ENO4: variants seen among roughly 807,000 people sequenced by gnomAD.
The protein encoded by ENO4 is enolase 4.
Under a neutral mutation model 63.2 loss-of-function variants are expected in ENO4, and 53 were observed. The observed-to-expected ratio is 0.84, with a 90% confidence interval of 0.67 to 1.05. The LOEUF (loss-of-function observed/expected upper bound fraction) is 1.05, where lower values mean the gene tolerates loss of function less well. Among genes scored for constraint, ENO4 ranks in the 50% least tolerant of loss-of-function variants. The pLI is 0.00. For missense variants in ENO4, 719 were observed against 772.0 expected (o/e 0.93, Z 0.81); for synonymous variants, 266 against 283.8 (o/e 0.94, Z 0.63).
intron 7 of ENO4, among the ~76,000 whole-genome samples, chr10:116,865,452 TG>T (rs1846525308): frequency 6.6e-6 from 1 of 152,202 alleles, no homozygotes; most frequent in Non-Finnish European, 1.5e-5. Context: ...CCCAAAGTGC[TG>T]GGATTACAAG....
intron 13 of ENO4, among the ~76,000 whole-genome samples, chr10:116,880,676 G>A (rs554056981): frequency 6.6e-5 from 10 of 152,328 alleles, no homozygotes; most frequent in Non-Finnish European, 1.5e-4. Context: ...AGAAAATAAA[G>A]ATATAATTGG....
At chr10:116,874,278 A>G (rs757114463) in intron 10 of ENO4, 77 bp downstream of exon 10, 39 of 1,112,904 alleles carry the variant, frequency 3.5e-5, no homozygotes, top group Non-Finnish European at 4.5e-5. Flanking sequence ...TTTATATTTT[A>G]TAACTCACCT....
At chr10:116,873,948 G>A (rs776249236) in intron 9 of ENO4, 128 bp from the exon 10 acceptor site, 118 of 1,312,772 alleles carry the variant, frequency 9.0e-5, no homozygotes, top group African/African-American at 5.0e-4. Flanking sequence ...TCAGGTCAAC[G>A]TGCCCTGAAA....
intron 10 of ENO4, among the ~76,000 whole-genome samples, chr10:116,897,128 C>G (rs191293866): frequency 2.5e-4 from 38 of 152,134 alleles, no homozygotes; most frequent in African/African-American, 8.7e-4. Flanking sequence ...TGATCAGGTA[C>G]TTCTAATGTA....
chr10:116,850,776 C>T (rs1404262896), intron 1 of ENO4, among the ~76,000 whole-genome samples: 2 of 152,082 alleles, frequency 1.3e-5, no homozygotes, highest in African/African-American at 2.4e-5. Context: ...TCCTCAGTAC[C>T]ACTGCGACGA....
intron 1 of ENO4, among the ~76,000 whole-genome samples, chr10:116,854,501 G>A (rs1425539943): frequency 6.6e-6 from 1 of 150,880 alleles, no homozygotes; most frequent in Non-Finnish European, 1.5e-5. Context: ...CAGAGGTTGC[G>A]GTGAGCAGAG....
At chr10:116,879,191 G>C (rs1271225186) in intron 11 of ENO4, 100 bp from the exon 12 acceptor site, 2 of 755,966 alleles carry the variant, frequency 2.6e-6, no homozygotes, top group Non-Finnish European at 4.2e-6. Flanking sequence ...CTCTTCACAG[G>C]GAAGTTTTAA....
At chr10:116,870,221 T>C (rs1344001809) in intron 8 of ENO4, among the ~76,000 whole-genome samples, 1 of 152,224 alleles carries the variant, frequency 6.6e-6, no homozygotes, top group Admixed American at 6.5e-5. Flanking sequence ...TCATTGATAT[T>C]GCTTCAATTT....
intron 10 of ENO4, among the ~76,000 whole-genome samples, chr10:116,892,699 T>C (rs1407433921): frequency 1.3e-5 from 2 of 152,244 alleles, no homozygotes; most frequent in East Asian, 1.9e-4. Context: ...TTACTTTTCA[T>C]AGAGCTATAT....
intron 10 of ENO4, among the ~76,000 whole-genome samples, chr10:116,889,032 C>T (rs1847251897): frequency 6.6e-6 from 1 of 152,232 alleles, no homozygotes; most frequent in African/African-American, 2.4e-5. Context: ...CTGCTTTCAG[C>T]ATGCAAAGGA....
In ENO4 at chr10:116,861,035, T is replaced by A. The variant is rs558716110; in HGVS notation, c.805-24T>A. 5 of 1,544,210 alleles carry A rather than the reference T, an allele frequency of 3.2e-6. No individual in the cohort carries two copies. In the African/African-American group the frequency reaches 5.5e-5, roughly 17 times the overall value. On this transcript the variant is annotated intron_variant, in intron 5 of 13. Transcript: ENST00000341276. ...TATGGATGAACCCTGTTTCTCATTT[T>A]CCCTCGTTTTCCCCCTATTTCAGGA...
chr10:116,874,249 AGATAGGCAG>A (rs1234531767), intron 10 of ENO4, 48 bp downstream of exon 10: 27 of 1,432,580 alleles, frequency 1.9e-5, no homozygotes, highest in Non-Finnish European at 2.5e-5. Context: ...ATATGCCATA[AGATAGGCAG>A]GACTCACCTT....
chr10:116,850,217 C>T (rs1452220947), intron 1 of ENO4: 1 of 221,078 alleles, frequency 4.5e-6, no homozygotes, highest in East Asian at 1.5e-4. Flanking sequence ...GCTCCTCTGC[C>T]GGGATGCCAG....
intron 3 of ENO4, among the ~76,000 whole-genome samples, chr10:116,858,380 T>C (rs1039995886): frequency 2.0e-5 from 3 of 152,250 alleles, no homozygotes; most frequent in African/African-American, 7.2e-5. Context: ...TCTCATACTT[T>C]AAAGGCATTG....
rs1353669307 is a variant in ENO4 at position 116,882,600 on chromosome 10, A to T, written c.*931A>T. On this transcript the variant is annotated 3_prime_UTR_variant, in exon 14 of 14. Coordinates refer to ENST00000341276, the MANE Select transcript of ENO4 (RefSeq NM_001242699.2). ...TTTGCTTCTCCTAAAAATTATATAA[A>T]TTGCTATGTACTGACCTGTAGGGGA... The T allele has an allele frequency of 6.6e-6, 1 of 152,186 alleles. No individual in the cohort carries two copies. The highest frequency in any genetic ancestry group is 1.5e-5 in the Non-Finnish European group (1 of 68,034). The allele number at this position is 152,186 out of a possible 1,614,324, so 9.4% of individuals were successfully genotyped here. A position where few individuals can be genotyped will look rare whatever the true frequency, so the allele number is the denominator to read the frequency against.
At chr10:116,862,559 C>T (rs1478829464) in intron 6 of ENO4, among the ~76,000 whole-genome samples, 1 of 152,120 alleles carries the variant, frequency 6.6e-6, no homozygotes, top group Non-Finnish European at 1.5e-5. Flanking sequence ...AGCAACTGAA[C>T]CAGTCAGTTC....
chr10:116,866,969 T>G (rs1846565417), intron 7 of ENO4, among the ~76,000 whole-genome samples: 1 of 152,206 alleles, frequency 6.6e-6, no homozygotes, highest in Non-Finnish European at 1.5e-5. Context: ...GATTCTTCTA[T>G]TAAGTCTTAA....
chr10:116,881,550 G>A lies in ENO4; in HGVS notation c.1759G>A (p.Glu587Lys). The A allele has an allele frequency of 6.5e-7, 1 of 1,547,054 alleles. No individual in the cohort carries two copies. Among genetic ancestry groups the A allele is most frequent in the Non-Finnish European group, 8.7e-7 (1 of 1,146,068 alleles). Residue 587 changes from glutamate (E) to lysine (K), a missense_variant, in exon 14 of 14, where the codon GAG (glutamate) becomes AAG (lysine). Physicochemically the swap from Glu to Lys is moderately conservative, Grantham distance 56. Coordinates refer to ENST00000341276, the MANE Select transcript of ENO4 (RefSeq NM_001242699.2). ...AGAACACACTTTTTTTTACTTTAAT[G>A]AGGAAGCTGAAAAGGCTGCGGAGGC... Reference protein sequence around the residue: ...KEEHTFFYFNEEAEKAAEALE... With the variant: ...KEEHTFFYFNKEAEKAAEALE...
intron 10 of ENO4, among the ~76,000 whole-genome samples, chr10:116,908,266 ATC>A (rs1848050923): frequency 6.6e-6 from 1 of 152,192 alleles, no homozygotes; most frequent in South Asian, 2.1e-4. Context: ...CCTTAGAAGT[ATC>A]TCTTTTTATT....
Sources: allele counts gnomAD v4.1 joint callset (sites outside exome capture counted in the v4.1 genomes callset), GRCh38; gene constraint gnomAD v4.1.1; transcripts MANE v1.5; gene names NCBI Gene and HGNC (gene_info 2026-07-23, HGNC 2026-07-21).